SNTG1: variants seen among roughly 807,000 people sequenced by gnomAD.
SNTG1 encodes gamma-1-syntrophin.
In SNTG1, 39 loss-of-function variants were observed where a neutral mutation model predicts 74.7. The observed-to-expected ratio is 0.52, with a 90% CI of 0.40 to 0.68. SNTG1 has a LOEUF of 0.68. Among genes scored for constraint, SNTG1 ranks in the 30% least tolerant of loss-of-function variants. The pLI, the probability that SNTG1 is intolerant of heterozygous loss-of-function variation, is 0.00. For missense variants in SNTG1, 685 were observed against 609.5 expected, an observed-to-expected ratio of 1.12 and a Z score of -1.30; for synonymous variants, 254 against 217.1, an observed-to-expected ratio of 1.17 and a Z score of -1.49.
At chr8:50,451,743 G>C (rs1236995697) in intron 8 of SNTG1, among the ~76,000 whole-genome samples, 1 of 151,982 alleles carries the variant, frequency 6.6e-6, no homozygotes, top group Non-Finnish European at 1.5e-5. Context: ...AAGCTGAAAG[G>C]TTAAGGAACT....
At chr8:50,660,887 A>G (rs943082966) in intron 15 of SNTG1, among the ~76,000 whole-genome samples, 1 of 152,140 alleles carries the variant, frequency 6.6e-6, no homozygotes, top group Non-Finnish European at 1.5e-5. Context: ...TATTTTGTGT[A>G]AAAATATGTC....
At chr8:50,154,444 C>G (rs867500467) in intron 1 of SNTG1, among the ~76,000 whole-genome samples, 5 of 152,250 alleles carry the variant, frequency 3.3e-5, no homozygotes, top group Middle Eastern at 3.4e-3. Flanking sequence ...GTCCTACCCC[C>G]ACTGTCCAAC....
chr8:50,776,576 A>G (rs2095641541), intron 18 of SNTG1, among the ~76,000 whole-genome samples: 1 of 149,988 alleles, frequency 6.7e-6, no homozygotes, highest in East Asian at 1.9e-4. Context: ...ATTTACATAT[A>G]GTAAGAACCA....
At chr8:50,010,808 T>TTGTGGGGGGG (rs1323245678) in intron 1 of SNTG1, among the ~76,000 whole-genome samples, 1 of 149,002 alleles carries the variant, frequency 6.7e-6, no homozygotes, top group Admixed American at 6.7e-5. Context: ...TTTTTTTTTT[T>TTGTGGGGGGG]GGTGAGGTGG....
At chr8:50,113,642 G>C (rs568303744) in intron 1 of SNTG1, among the ~76,000 whole-genome samples, 1 of 152,252 alleles carries the variant, frequency 6.6e-6, no homozygotes, top group East Asian at 1.9e-4. Context: ...TGGTGAGAGA[G>C]GGCATCCCTG....
At chr8:50,348,754 T>C (rs1185948435) in intron 2 of SNTG1, among the ~76,000 whole-genome samples, 1 of 152,242 alleles carries the variant, frequency 6.6e-6, no homozygotes, top group African/African-American at 2.4e-5. Flanking sequence ...CAAGCTGTTC[T>C]TACACTGATT....
intron 13 of SNTG1, among the ~76,000 whole-genome samples, chr8:50,655,178 AC>A (rs374158635): frequency 1.5e-3 from 222 of 152,342 alleles, no homozygotes; most frequent in Middle Eastern, 6.8e-3. Flanking sequence ...TGGGTTGTCT[AC>A]ATTCTCTAAT....
chr8:50,328,461 G>T (rs929933543), intron 2 of SNTG1, among the ~76,000 whole-genome samples: 2 of 152,262 alleles, frequency 1.3e-5, no homozygotes, highest in African/African-American at 4.8e-5. Flanking sequence ...TGGCTGGGAG[G>T]CCTCAGGAAA....
At chr8:50,181,489 A>C (rs1381133430) in intron 2 of SNTG1, among the ~76,000 whole-genome samples, 1 of 152,202 alleles carries the variant, frequency 6.6e-6, no homozygotes, top group Non-Finnish European at 1.5e-5. Context: ...GGCAGTCAGC[A>C]GAGTTTTTCA....
chr8:50,126,816 G>A (rs148200259), intron 1 of SNTG1, among the ~76,000 whole-genome samples: 4 of 152,136 alleles, frequency 2.6e-5, no homozygotes, highest in Non-Finnish European at 5.9e-5. Flanking sequence ...GAGCTATATG[G>A]GCCAGTAAAG....
At position 50,792,878 on chromosome 8, in the gene SNTG1, C is replaced by T. The variant is rs745622128; in HGVS notation, c.*49C>T. The T allele has an allele frequency of 5.3e-6, 8 of 1,521,100 alleles. No homozygotes were observed. Among genetic ancestry groups the T allele is most frequent in the South Asian group, 2.6e-5 (2 of 75,648 alleles). 94.2% of individuals were successfully genotyped at this position (1,521,100 alleles called of 1,614,324 possible). On this transcript the variant is annotated 3_prime_UTR_variant, in exon 19 of 19. Transcript: ENST00000642720. Reference sequence around the variant, plus strand: ...ACCCCATGACTGTATAAGCAGGACACATTTACTCATCATTTTAGACCCTAG... The same window carrying T: ...ACCCCATGACTGTATAAGCAGGACATATTTACTCATCATTTTAGACCCTAG...
At chr8:50,387,942 A>C (rs1342591775) in intron 2 of SNTG1, among the ~76,000 whole-genome samples, 3 of 152,180 alleles carry the variant, frequency 2.0e-5, no homozygotes, top group Non-Finnish European at 4.4e-5. Flanking sequence ...GCTCAGCTTC[A>C]TCACAGACTT....
intron 11 of SNTG1, among the ~76,000 whole-genome samples, chr8:50,543,205 T>A (rs1366107798): frequency 6.6e-6 from 1 of 152,190 alleles, no homozygotes; most frequent in Non-Finnish European, 1.5e-5. Flanking sequence ...AGTTTCATAG[T>A]TTCAGGCTTT....
chr8:50,074,902 C>T (rs575089000), intron 1 of SNTG1, among the ~76,000 whole-genome samples: 15 of 152,152 alleles, frequency 9.9e-5, no homozygotes, highest in Non-Finnish European at 1.8e-4. Context: ...CGGCCGCACT[C>T]GCGGCGCACG....
intron 1 of SNTG1, among the ~76,000 whole-genome samples, chr8:50,161,879 A>G (rs1321746251): frequency 6.6e-6 from 1 of 152,198 alleles, no homozygotes; most frequent in Non-Finnish European, 1.5e-5. Context: ...AAAAAAACAC[A>G]ATTCATTCCC....
rs144799578 is a variant in SNTG1, at chr8:50,245,833, T to A, written c.-28+73198T>A. Among the ~76,000 whole-genome samples the A allele has an allele frequency of 2.0e-3, 304 of 152,260 alleles. 2 individuals are homozygous for A. Among genetic ancestry groups the A allele is most frequent in the African/African-American group, 6.9e-3 (285 of 41,554 alleles). ...TCGTAACACTATAGTGATGAGAATA[T>A]TCTTGTCTTGTGGTAGTCATTATGC... On this transcript the variant is annotated intron_variant, in intron 2 of 18. Coordinates refer to ENST00000642720, the MANE Select transcript of SNTG1 (RefSeq NM_018967.5).
intron 13 of SNTG1, among the ~76,000 whole-genome samples, chr8:50,619,641 G>C (rs1479592552): frequency 6.7e-6 from 1 of 150,344 alleles, no homozygotes; most frequent in South Asian, 2.1e-4. Context: ...TGAAGCAGGA[G>C]AATGGCATGA....
intron 2 of SNTG1, among the ~76,000 whole-genome samples, chr8:50,216,943 T>C (rs2084817383): frequency 6.6e-6 from 1 of 151,842 alleles, no homozygotes; most frequent in Admixed American, 6.6e-5. Flanking sequence ...CTGTTAATAT[T>C]TAACAGAAGT....
chr8:49,998,524 CTATAT>C (rs1277302024), intron 1 of SNTG1, among the ~76,000 whole-genome samples: 3 of 151,028 alleles, frequency 2.0e-5, no homozygotes, highest in African/African-American at 7.3e-5. Flanking sequence ...CTTTACTATA[CTATAT>C]GTTTTATTTT....
Sources: gnomAD v4.1 joint callset for allele counts (sites outside exome capture counted in the v4.1 genomes callset) on GRCh38, gnomAD v4.1.1 for gene constraint, MANE v1.5 for transcripts, NCBI Gene and HGNC (gene_info 2026-07-23, HGNC 2026-07-21) for gene names.